PTPN4: variants seen among roughly 807,000 people sequenced by gnomAD.
The protein encoded by PTPN4 is protein tyrosine phosphatase non-receptor type 4.
PTPN4 carries 49 observed loss-of-function variants against 135.5 expected under a neutral mutation model. That is an observed-to-expected ratio of 0.36 (90% confidence interval 0.29 to 0.46). PTPN4 has a LOEUF of 0.46. Ranked by LOEUF, PTPN4 falls within the 20% of genes least tolerant of loss-of-function variation. PTPN4 has a pLI of 1.00. For synonymous variants in PTPN4, 333 were observed against 369.9 expected (o/e 0.90, Z 1.14); for missense variants, 860 against 1,101.0 (o/e 0.78, Z 3.10).
chr2:119,844,759 A>T (rs1330966256), intron 2 of PTPN4, among the ~76,000 whole-genome samples: 1 of 140,126 alleles, frequency 7.1e-6, no homozygotes, highest in Non-Finnish European at 1.6e-5. Flanking sequence ...GACGCTCCTC[A>T]CTTTCCAGAC....
At chr2:119,910,300 G>A (rs1338652191) in intron 10 of PTPN4, among the ~76,000 whole-genome samples, 1 of 151,942 alleles carries the variant, frequency 6.6e-6, no homozygotes, top group African/African-American at 2.4e-5. Context: ...ATAGACTACA[G>A]TATAGTGTAA....
At chr2:119,932,307 A>G (rs2105037742) in intron 13 of PTPN4, 117 bp from the exon 14 acceptor site, 2 of 1,035,122 alleles carry the variant, frequency 1.9e-6, no homozygotes, top group East Asian at 2.8e-5. Context: ...TTTTACAAGT[A>G]AACTCTTTAT....
At chr2:119,841,928 G>T (rs979200619) in intron 2 of PTPN4, among the ~76,000 whole-genome samples, 3 of 152,134 alleles carry the variant, frequency 2.0e-5, no homozygotes, top group Non-Finnish European at 4.4e-5. Context: ...TAGATTCAGG[G>T]TGACACTATC....
intron 2 of PTPN4, among the ~76,000 whole-genome samples, chr2:119,829,642 C>T (rs576889843): frequency 1.3e-5 from 2 of 152,282 alleles, no homozygotes; most frequent in South Asian, 4.1e-4. Context: ...TAGCATGTAT[C>T]AGAACTTTCA....
At chr2:119,784,603 G>A (rs1390675810) in intron 1 of PTPN4, among the ~76,000 whole-genome samples, 1 of 151,510 alleles carries the variant, frequency 6.6e-6, no homozygotes, top group Non-Finnish European at 1.5e-5. Flanking sequence ...TAGCCAGGAT[G>A]GTCTCGATCT....
chr2:119,828,240 A>G (rs538722042), intron 2 of PTPN4, among the ~76,000 whole-genome samples: 62 of 152,366 alleles, frequency 4.1e-4, no homozygotes, highest in Non-Finnish European at 7.8e-4. Flanking sequence ...CTTGTACGTC[A>G]GATTCAATCA....
intron 11 of PTPN4, among the ~76,000 whole-genome samples, chr2:119,918,909 T>C (rs1188161857): frequency 6.6e-6 from 1 of 152,264 alleles, no homozygotes; most frequent in Non-Finnish European, 1.5e-5. Flanking sequence ...AGTGAATTAC[T>C]GCTTCATAAA....
At chr2:119,862,515 A>AT in intron 2 of PTPN4, 21 bp from the exon 3 acceptor site, 13 of 1,399,644 alleles carry the variant, frequency 9.3e-6, no homozygotes, top group South Asian at 1.2e-5. Flanking sequence ...GATTTCATTC[A>AT]ATTTTTTTTT....
chr2:119,912,295 G>A (rs1678583113), intron 10 of PTPN4, among the ~76,000 whole-genome samples: 2 of 152,194 alleles, frequency 1.3e-5, no homozygotes, highest in African/African-American at 4.8e-5. Context: ...GAGTTCTAGA[G>A]GAGGATCACT....
intron 1 of PTPN4, among the ~76,000 whole-genome samples, chr2:119,761,913 A>G (rs1690513605): frequency 6.6e-6 from 1 of 152,062 alleles, no homozygotes; most frequent in African/African-American, 2.4e-5. Context: ...CGAGGATGTG[A>G]TTTTTCTTAC....
intron 15 of PTPN4, among the ~76,000 whole-genome samples, chr2:119,941,412 AGTGTGTGTGT>A (rs3084705): frequency 1.3e-5 from 2 of 148,752 alleles, no homozygotes; most frequent in Admixed American, 6.7e-5. Flanking sequence ...TAGACTTCAG[AGTGTGTGTGT>A]GTGTGTGTGT....
intron 2 of PTPN4, among the ~76,000 whole-genome samples, chr2:119,856,363 C>T (rs1025512184): frequency 3.3e-5 from 5 of 152,134 alleles, no homozygotes; most frequent in African/African-American, 1.2e-4. Context: ...TGCTATTACC[C>T]GATCAACTTT....
At chr2:119,945,019 T>C in intron 15 of PTPN4, 62 bp from the exon 16 acceptor site, 2 of 1,459,160 alleles carry the variant, frequency 1.4e-6, no homozygotes, top group East Asian at 2.5e-5. Flanking sequence ...AATATGTGGG[T>C]TGCTTGACCC....
chr2:119,808,463 C>A (rs1448101406), intron 1 of PTPN4, among the ~76,000 whole-genome samples: 3 of 152,138 alleles, frequency 2.0e-5, no homozygotes, highest in African/African-American at 7.2e-5. Flanking sequence ...TGAGTGAACT[C>A]CCATTCACAA....
intron 24 of PTPN4, among the ~76,000 whole-genome samples, chr2:119,963,710 T>C (rs1033446234): frequency 2.0e-5 from 3 of 152,102 alleles, no homozygotes; most frequent in African/African-American, 7.2e-5. Flanking sequence ...TGGGCTAGAG[T>C]CCATCAGAAT....
intron 2 of PTPN4, among the ~76,000 whole-genome samples, chr2:119,849,751 A>G (rs1677563643): frequency 6.6e-6 from 1 of 152,210 alleles, no homozygotes; most frequent in Non-Finnish European, 1.5e-5. Context: ...GCACAGCATT[A>G]GGCATTCTCA....
chr2:119,805,118 C>CT (rs1691444178), intron 1 of PTPN4, among the ~76,000 whole-genome samples: 1 of 152,070 alleles, frequency 6.6e-6, no homozygotes, highest in South Asian at 2.1e-4. Context: ...CCTTTGCCCA[C>CT]TTTTTGATGG....
intron 26 of PTPN4, among the ~76,000 whole-genome samples, chr2:119,969,634 C>G (rs1370467096): frequency 6.9e-6 from 1 of 144,008 alleles, no homozygotes. Flanking sequence ...TCTCAGCTCA[C>G]TGCAAGCTCC....
chr2:119,962,465 A>AT (rs1679380206), intron 23 of PTPN4, 151 bp from the exon 24 acceptor site: 1 of 377,992 alleles, frequency 2.6e-6, no homozygotes, highest in Non-Finnish European at 4.1e-6. Flanking sequence ...AAAAAAAAAA[A>AT]ACACTAGTCA....
Sources: allele counts gnomAD v4.1 joint callset (sites outside exome capture counted in the v4.1 genomes callset), GRCh38; gene constraint gnomAD v4.1.1; transcripts MANE v1.5; gene names NCBI Gene and HGNC (gene_info 2026-07-23, HGNC 2026-07-21).